The following PDE4D variants were observed in gnomAD, a reference collection of about 807,000 sequenced individuals.
PDE4D encodes the protein phosphodiesterase 4D.
PDE4D carries 24 observed loss-of-function variants against 87.4 expected under a neutral mutation model. The observed-to-expected ratio is 0.27, with a 90% CI of 0.20 to 0.39. The LOEUF is 0.39. Among genes scored for constraint, PDE4D ranks in the 10% least tolerant of loss-of-function variants. PDE4D has a pLI of 1.00. For missense variants in PDE4D, 714 were observed against 1,041.0 expected, an observed-to-expected ratio of 0.69 and a Z score of 4.32; for synonymous variants, 384 against 383.2, an observed-to-expected ratio of 1.00 and a Z score of -0.02.
intron 3 of PDE4D, among the ~76,000 whole-genome samples, chr5:59,916,793 T>A (rs1178380451): frequency 6.6e-6 from 1 of 151,860 alleles, no homozygotes; most frequent in African/African-American, 2.4e-5. Flanking sequence ...AGATTCCTTT[T>A]TTTTTTCTTT....
At chr5:59,603,534 T>C (rs1019603759) in intron 1 of PDE4D, among the ~76,000 whole-genome samples, 1 of 151,998 alleles carries the variant, frequency 6.6e-6, no homozygotes, top group African/African-American at 2.4e-5. Context: ...AGAACCCTTG[T>C]ACACTGTTGA....
At chr5:59,797,973 C>T (rs1561678852) in intron 1 of PDE4D, among the ~76,000 whole-genome samples, 1 of 152,070 alleles carries the variant, frequency 6.6e-6, no homozygotes, top group East Asian at 1.9e-4. Flanking sequence ...TGGGGGCTTG[C>T]ACTTGTAATC....
chr5:59,673,000 T>C (rs1747472948), intron 1 of PDE4D, among the ~76,000 whole-genome samples: 1 of 152,200 alleles, frequency 6.6e-6, no homozygotes, highest in African/African-American at 2.4e-5. Context: ...AAGATATCCT[T>C]TGAGTCACTT....
At chr5:59,942,821 T>G (rs1238447359) in intron 3 of PDE4D, among the ~76,000 whole-genome samples, 1 of 125,722 alleles carries the variant, frequency 8.0e-6, no homozygotes, top group East Asian at 2.7e-4. Context: ...AGACAAGAGA[T>G]GAGGCAGTCA....
chr5:59,794,128 C>T (rs958117311), intron 1 of PDE4D, among the ~76,000 whole-genome samples: 3 of 134,248 alleles, frequency 2.2e-5, no homozygotes, highest in Non-Finnish European at 4.6e-5. Context: ...CAGACACACA[C>T]ACAGAGGCGC....
chr5:59,033,267 C>T (rs1757910540), intron 6 of PDE4D, among the ~76,000 whole-genome samples: 1 of 152,118 alleles, frequency 6.6e-6, no homozygotes, highest in African/African-American at 2.4e-5. Flanking sequence ...ATCCCTGTTA[C>T]AGGGAATAAA....
At chr5:59,070,315 T>TA (rs991167422) in intron 5 of PDE4D, among the ~76,000 whole-genome samples, 3 of 152,068 alleles carry the variant, frequency 2.0e-5, no homozygotes, top group African/African-American at 7.2e-5. Flanking sequence ...CCACAAGGAT[T>TA]AAAAAAAGAG....
At chr5:59,967,402 TAAAC>T (rs776582036) in intron 3 of PDE4D, among the ~76,000 whole-genome samples, 8 of 151,874 alleles carry the variant, frequency 5.3e-5, no homozygotes, top group Non-Finnish European at 4.4e-5. Flanking sequence ...ACAGGGAACT[TAAAC>T]AAATCAATAA....
In PDE4D at chr5:59,802,054, A is replaced by G. The variant is rs367963816; in HGVS notation, c.455+91114T>C. Among the ~76,000 whole-genome samples, 19 of 152,190 alleles carry G rather than the reference A, an allele frequency of 1.2e-4. 1 individual carries two copies. In the East Asian group the frequency reaches 2.1e-3, roughly 17 times the overall value. ...GTTTCTGAAAATAATCTTCCAGAAA[A>G]AAAAAGTGGCCCTCTTGAAACTCAT... is the stretch of plus-strand genomic sequence containing the variant. On this transcript the variant is annotated intron_variant, in intron 1 of 14. Coordinates refer to ENST00000340635, the MANE Select transcript of PDE4D (RefSeq NM_001104631.2).
At chr5:59,436,772 G>A (rs558979485) in intron 1 of PDE4D, among the ~76,000 whole-genome samples, 17 of 152,108 alleles carry the variant, frequency 1.1e-4, no homozygotes, top group South Asian at 1.0e-3. Flanking sequence ...CTTTGAGAGC[G>A]GTTTCTCTCA....
chr5:60,111,701 C>T (rs1390278395), intron 2 of PDE4D, among the ~76,000 whole-genome samples: 1 of 151,832 alleles, frequency 6.6e-6, no homozygotes, highest in Non-Finnish European at 1.5e-5. Flanking sequence ...TGTGATTAAT[C>T]TATTCAGTCA....
chr5:59,950,747 C>A (rs1405823206), intron 3 of PDE4D, among the ~76,000 whole-genome samples: 1 of 151,968 alleles, frequency 6.6e-6, no homozygotes, highest in Non-Finnish European at 1.5e-5. Flanking sequence ...TTGTTGTTAT[C>A]TTTTGGCTTT....
At chr5:60,485,264 G>A (rs1464180809) in intron 1 of PDE4D, among the ~76,000 whole-genome samples, 2 of 152,152 alleles carry the variant, frequency 1.3e-5, no homozygotes, top group Middle Eastern at 3.4e-3. Flanking sequence ...AAGGTAGACA[G>A]CAACTCTTTT....
intron 1 of PDE4D, among the ~76,000 whole-genome samples, chr5:59,875,105 T>C (rs552154262): frequency 6.6e-6 from 1 of 152,198 alleles, no homozygotes; most frequent in Non-Finnish European, 1.5e-5. Context: ...ATATAAATCA[T>C]GGAATAAGAC....
chr5:60,108,430 C>T (rs1281778424), intron 2 of PDE4D, among the ~76,000 whole-genome samples: 4 of 152,174 alleles, frequency 2.6e-5, no homozygotes, highest in African/African-American at 9.7e-5. Context: ...AATGGCCATA[C>T]TGCCCAAGGT....
intron 5 of PDE4D, among the ~76,000 whole-genome samples, chr5:59,099,582 T>C (rs1171872098): frequency 6.6e-6 from 1 of 152,230 alleles, no homozygotes; most frequent in Non-Finnish European, 1.5e-5. Flanking sequence ...AGTTACTGTT[T>C]GTAAAAGAGC....
chr5:60,365,073 C>A (rs892369856), intron 1 of PDE4D, among the ~76,000 whole-genome samples: 1 of 152,168 alleles, frequency 6.6e-6, no homozygotes, highest in Non-Finnish European at 1.5e-5. Context: ...GATGACATCT[C>A]TCCTTTAAAA....
intron 1 of PDE4D, among the ~76,000 whole-genome samples, chr5:60,205,834 C>A (rs1457275826): frequency 1.3e-5 from 2 of 152,010 alleles, no homozygotes; most frequent in East Asian, 3.9e-4. Flanking sequence ...TTGCAGTGAG[C>A]GGAGATCACC....
chr5:59,242,396 C>T (rs890371707), intron 1 of PDE4D, among the ~76,000 whole-genome samples: 1 of 152,114 alleles, frequency 6.6e-6, no homozygotes, highest in African/African-American at 2.4e-5. Context: ...CTTTTTTCAA[C>T]TAGTCTTACC....
Sources: allele counts gnomAD v4.1 joint callset (sites outside exome capture counted in the v4.1 genomes callset), GRCh38; gene constraint gnomAD v4.1.1; transcripts MANE v1.5; gene names NCBI Gene and HGNC (gene_info 2026-07-23, HGNC 2026-07-21).